Variants in SEC16B observed in about 807,000 individuals in gnomAD.
SEC16B encodes protein transport protein Sec16B.
Under a neutral mutation model 141.8 loss-of-function variants are expected in SEC16B, and 115 were observed. The ratio of observed to expected loss-of-function variants is 0.81; its 90% CI spans 0.70 to 0.95. SEC16B has a LOEUF of 0.95. Among genes scored for constraint, SEC16B ranks in the 40% least tolerant of loss-of-function variants. The pLI is 0.00. For synonymous variants in SEC16B, 493 were observed against 492.5 expected (o/e 1.00, Z -0.01); for missense variants, 1,291 against 1,312.3 (o/e 0.98, Z 0.25).
chr1:177,980,803 T>C (rs1413458374), intron 1 of SEC16B, among the ~76,000 whole-genome samples: 1 of 147,302 alleles, frequency 6.8e-6, no homozygotes, highest in Non-Finnish European at 1.5e-5. Context: ...AAAAAAAAAA[T>C]CTGCCTCAAC....
intron 1 of SEC16B, among the ~76,000 whole-genome samples, chr1:177,979,786 T>A (rs536427862): frequency 6.6e-6 from 1 of 152,180 alleles, no homozygotes; most frequent in Non-Finnish European, 1.5e-5. Flanking sequence ...TCACATCTTA[T>A]GTGGATGGCA....
At chr1:177,948,598 A>G (rs1231381281) in intron 12 of SEC16B, 3 of 1,303,994 alleles carry the variant, frequency 2.3e-6, no homozygotes, top group South Asian at 2.5e-5. Flanking sequence ...AAAGCCCCGC[A>G]TCAATGGTGT....
In SEC16B at chr1:177,947,852, C is replaced by T; in HGVS notation, c.1636G>A (p.Ala546Thr). 6.4e-7 allele frequency: 1 copy of T among 1,557,306 alleles called. No individual in the cohort carries two copies. The highest frequency in any genetic ancestry group is 8.7e-7 in the Non-Finnish European group (1 of 1,151,084). ...QAGDPELYQR[A>T]IVAIGDTLAG... ...AGGGTGTCCCCAATGGCAACAATCG[C>T]ACGCTGATACAGCTCTGGGTCCCCA... The change falls in exon 13 of 26, where the codon GCG becomes ACG. Residue 546 changes from alanine (A) to threonine (T), a missense_variant. By Grantham distance (58) the Ala-to-Thr change is moderately conservative (BLOSUM62 0). Transcript: ENST00000308284.
chr1:177,950,869 G>C (rs867814727), intron 12 of SEC16B, among the ~76,000 whole-genome samples: 1 of 150,540 alleles, frequency 6.6e-6, no homozygotes, highest in Admixed American at 6.7e-5. Context: ...AAAAAGAAAG[G>C]AGGGAAGGAA....
chr1:177,948,033 G>T, intron 12 of SEC16B, 91 bp from the exon 13 acceptor site: 2 of 1,069,428 alleles, frequency 1.9e-6, no homozygotes, highest in Non-Finnish European at 2.8e-6. Context: ...TGGTTCAGAA[G>T]TGGTCAGAGA....
In SEC16B at chr1:177,942,117, T is replaced by C. The variant is rs1651322662; in HGVS notation, c.1882-77A>G. On this transcript the variant is annotated intron_variant, in intron 15 of 25. Transcript: ENST00000308284. ...AGAAAGAAACATAGATAAGACTTCT[T>C]GGAAGTCAGCTGTCAGTTTCCGCTA... 8 of 1,449,700 alleles carry C rather than the reference T, an allele frequency of 5.5e-6. No homozygotes were observed. In the South Asian group the frequency reaches 1.0e-4, roughly 18 times the overall value. 89.8% of individuals were successfully genotyped at this position (1,449,700 alleles called of 1,614,324 possible).
In SEC16B at chr1:177,940,724, G is replaced by C; in HGVS notation, c.2023-10C>G. ...TCAGTTTCTCTGCTAGCTGTGCCAG[G>C]TTTCCAGATGGGTTAGGGGCAGAAA... On this transcript the variant is annotated splice_polypyrimidine_tract_variant and intron_variant, in intron 16 of 25. Coordinates refer to ENST00000308284, the MANE Select transcript of SEC16B (RefSeq NM_033127.4). The C allele has an allele frequency of 6.2e-7, 1 of 1,605,798 alleles. No homozygotes were observed. The highest frequency in any genetic ancestry group is 8.5e-7 in the Non-Finnish European group (1 of 1,173,500).
chr1:177,978,473 G>A (rs1288923145), intron 1 of SEC16B, among the ~76,000 whole-genome samples: 1 of 152,124 alleles, frequency 6.6e-6, no homozygotes, highest in Non-Finnish European at 1.5e-5. Context: ...TTGGGAGGCT[G>A]AGGCAGGAGG....
chr1:177,955,238 G>C (rs998851742), intron 10 of SEC16B, among the ~76,000 whole-genome samples: 13 of 152,022 alleles, frequency 8.6e-5, no homozygotes, highest in African/African-American at 3.1e-4. Context: ...GCTCACACCT[G>C]TAATCCCTAC....
intron 25 of SEC16B, 95 bp downstream of exon 25, chr1:177,930,450 C>T: frequency 1.3e-6 from 1 of 785,536 alleles, no homozygotes; most frequent in Non-Finnish European, 2.1e-6. Context: ...CAAGAACTCA[C>T]ATATCATAAA....
chr1:177,953,131 G>C (rs1309580550), intron 11 of SEC16B, among the ~76,000 whole-genome samples: 2 of 151,610 alleles, frequency 1.3e-5, no homozygotes, highest in African/African-American at 4.9e-5. Flanking sequence ...TCAGCTTCCA[G>C]AGTAGCTGGG....
In SEC16B at chr1:177,967,918, C is replaced by A. The variant is rs777536203; in HGVS notation, c.64G>T (p.Asp22Tyr). The A allele has an allele frequency of 8.7e-6, 14 of 1,613,824 alleles. 1 individual carries two copies. The Admixed American group carries it at 2.0e-4, about 23-fold the overall frequency. Residue 22 changes from aspartate (D) to tyrosine (Y), a missense_variant, in exon 2 of 26, where the codon GAT (aspartate) becomes TAT (tyrosine). By Grantham distance (160) the Asp-to-Tyr change is radical. Around this residue, in one of 3 missense-constraint regions of SEC16B, gnomAD observed 681 missense variants for 675.5 expected, o/e 1.01. Transcript: ENST00000308284. The part of the protein sequence containing the change: ...TRGKATAPSK[D>Y]PDRGFRRDGH... Reference sequence around the variant, plus strand: ...TCTCTCCGAAACCCTCGGTCTGGATCCTTTGAGGGTGCTGTGGCCTTCCCT... The same window carrying A: ...TCTCTCCGAAACCCTCGGTCTGGATACTTTGAGGGTGCTGTGGCCTTCCCT...
intron 14 of SEC16B, chr1:177,945,982 G>T (rs1651670906): frequency 3.5e-6 from 1 of 289,796 alleles, no homozygotes; most frequent in Non-Finnish European, 6.4e-6. Context: ...AGGGATGCTA[G>T]GGCCCCAAAG....
chr1:177,958,923 G>A lies in SEC16B; in HGVS notation c.1051C>T (p.Gln351Ter). ...CCCAGTGTCTCAGATTTGCAGCTCT[G>A]AGCTGCTTTCTGCTGGCAAAACGTC... ...IMTFCQQKAAQSCKSETLGSR... is the reference protein window; with the variant it reads ...IMTFCQQKAA Residue 351 changes from glutamine (Q) to a stop codon, truncating the protein, a stop_gained, in exon 9 of 26, where the codon CAG (glutamine) becomes TAG (stop). Coordinates refer to ENST00000308284, the MANE Select transcript of SEC16B (RefSeq NM_033127.4). LOFTEE classifies it high-confidence loss of function. 6.2e-7 allele frequency: 1 copy of A among 1,613,684 alleles called. No individual in the cohort carries two copies. Among genetic ancestry groups the A allele is most frequent in the Non-Finnish European group, 8.5e-7 (1 of 1,179,774 alleles).
Position 177,937,654 on chromosome 1 carries a change from T to C in SEC16B, c.2204-141A>G, listed in dbSNP as rs187467373. The stretch of plus-strand genomic sequence containing the variant: ...CTGTCTAATGCGGCTTCCAGTAACA[T>C]GATGACAAGTAAAACACAGTGATTG... On this transcript the variant is annotated intron_variant, in intron 18 of 25. Transcript: ENST00000308284. The C allele has an allele frequency of 1.9e-4, 125 of 646,132 alleles. No homozygotes were observed. In the East Asian group the frequency reaches 3.5e-3, roughly 18 times the overall value. The allele number at this position is 646,132 out of a possible 1,614,324, so 40.0% of individuals were successfully genotyped here. A position where few individuals can be genotyped will look rare whatever the true frequency, so the allele number is the denominator to read the frequency against.
At chr1:177,940,950 A>C in intron 16 of SEC16B, among the ~76,000 whole-genome samples, 1 of 152,252 alleles carries the variant, frequency 6.6e-6, no homozygotes, top group East Asian at 1.9e-4. Context: ...TTCTAAATAA[A>C]ATATGAGGAG....
chr1:177,965,845 G>C (rs765181163), intron 3 of SEC16B, 48 bp downstream of exon 3: 28 of 1,216,686 alleles, frequency 2.3e-5, no homozygotes, highest in Non-Finnish European at 3.2e-5. Context: ...TCTCAGACCA[G>C]CTGCCCCATC....
Position 177,937,415 on chromosome 1 carries a change from G to A in SEC16B, c.2302C>T (p.Leu768Phe), listed in dbSNP as rs1571310545. Residue 768 changes from leucine (L) to phenylalanine (F), a missense_variant, in exon 19 of 26, where the codon CTC becomes TTC. Leu to Phe is a conservative substitution (Grantham distance 22). Coordinates refer to ENST00000308284, the MANE Select transcript of SEC16B (RefSeq NM_033127.4). ...AAGGGCTGCTGTGGGCTGGGCTGGAGCAGGCAGGTCTGCTCAGGTGTCAGC... is the reference window on the plus strand; with the variant it reads ...AAGGGCTGCTGTGGGCTGGGCTGGAACAGGCAGGTCTGCTCAGGTGTCAGC... ...LWLTPEQTCLLQPSPQQPFPL... is the reference protein window; with the variant it reads ...LWLTPEQTCLFQPSPQQPFPL... The A allele has an allele frequency of 3.1e-6, 5 of 1,609,754 alleles. No individual in the cohort carries two copies. The highest frequency in any genetic ancestry group is 4.2e-6 in the Non-Finnish European group (5 of 1,178,214).
chr1:177,947,401 A>G (rs1371154197), intron 13 of SEC16B, among the ~76,000 whole-genome samples: 1 of 152,130 alleles, frequency 6.6e-6, no homozygotes, highest in Non-Finnish European at 1.5e-5. Context: ...ACAGGAGGCA[A>G]GGTGTCCTAT....
Sources: gnomAD v4.1 joint callset for allele counts (sites outside exome capture counted in the v4.1 genomes callset) on GRCh38, gnomAD v4.1.1 for gene constraint, gnomAD v4.1.1 regional missense constraint, MANE v1.5 for transcripts, NCBI Gene and HGNC (gene_info 2026-07-23, HGNC 2026-07-21) for gene names.